The following MAP7 variants were observed in gnomAD, a reference collection of about 807,000 sequenced individuals.
MAP7 encodes ensconsin.
A neutral mutation model predicts 94.8 loss-of-function variants in MAP7; 52 were observed. That is an observed-to-expected ratio of 0.55 (90% confidence interval 0.44 to 0.69). The LOEUF is 0.69. MAP7 is among the 30% of genes least tolerant of loss of function. The pLI is 0.00. For missense variants in MAP7, 940 were observed against 964.6 expected, an observed-to-expected ratio of 0.97 and a Z score of 0.34; for synonymous variants, 350 against 357.0, an observed-to-expected ratio of 0.98 and a Z score of 0.22.
intron 1 of MAP7, among the ~76,000 whole-genome samples, chr6:136,441,411 T>C (rs930028644): frequency 6.6e-6 from 1 of 152,202 alleles, no homozygotes; most frequent in African/African-American, 2.4e-5. Context: ...CGAAATCAAA[T>C]AATTAGAGCT....
chr6:136,380,860 C>T (rs950686121), intron 6 of MAP7, among the ~76,000 whole-genome samples: 1 of 152,168 alleles, frequency 6.6e-6, no homozygotes, highest in Non-Finnish European at 1.5e-5. Context: ...CCCGGGGAAG[C>T]ACATCTTGGA....
At chr6:136,348,783 G>A (rs1291743887) in intron 16 of MAP7, among the ~76,000 whole-genome samples, 1 of 152,068 alleles carries the variant, frequency 6.6e-6, no homozygotes, top group East Asian at 1.9e-4. Flanking sequence ...CAAACTAAGA[G>A]CAATGATGAA....
intron 1 of MAP7, among the ~76,000 whole-genome samples, chr6:136,489,534 T>G (rs1019166366): frequency 1.4e-5 from 2 of 138,378 alleles, no homozygotes; most frequent in Non-Finnish European, 3.0e-5. Flanking sequence ...TTCTTTTTTT[T>G]TTTTTTTTTT....
At chr6:136,376,980 T>C (rs1243022374) in intron 7 of MAP7, among the ~76,000 whole-genome samples, 1 of 152,180 alleles carries the variant, frequency 6.6e-6, no homozygotes, top group Non-Finnish European at 1.5e-5. Context: ...CCCAAAGATA[T>C]TTGGGAAAAC....
At chr6:136,378,561 C>T (rs1052365758) in intron 6 of MAP7, among the ~76,000 whole-genome samples, 1 of 152,062 alleles carries the variant, frequency 6.6e-6, no homozygotes, top group African/African-American at 2.4e-5. Flanking sequence ...AAGGCTGAAG[C>T]AAGATAAAAT....
At chr6:136,548,621 G>C (rs1258884754) in intron 1 of MAP7, among the ~76,000 whole-genome samples, 1 of 152,164 alleles carries the variant, frequency 6.6e-6, no homozygotes, top group Non-Finnish European at 1.5e-5. Flanking sequence ...ACAGGCACAT[G>C]GTTGATTTGT....
In MAP7 at chr6:136,388,437, G is replaced by A. The variant is rs756424207; in HGVS notation, c.482C>T (p.Ser161Leu). The change falls in exon 5 of 18, where the codon TCG (serine) becomes TTG (leucine). Residue 161 changes from serine to leucine, a missense_variant. Physicochemically the swap from Ser to Leu is moderately radical, Grantham distance 145. Transcript: ENST00000354570. ...QKPKQKHNRW[S>L]WGGSLHGSPS... ...GCTCCCATGGAGAGAGCCTCCCCACGACCAACGGTTATGCTTCTGTTTTGG... is the reference window on the plus strand; with the variant it reads ...GCTCCCATGGAGAGAGCCTCCCCACAACCAACGGTTATGCTTCTGTTTTGG... The A allele has an allele frequency of 7.4e-6, 12 of 1,614,116 alleles. No individual in the cohort carries two copies. The highest frequency in any genetic ancestry group is 1.0e-5 in the Non-Finnish European group (12 of 1,179,996).
intron 1 of MAP7, among the ~76,000 whole-genome samples, chr6:136,450,719 G>C (rs1800848744): frequency 6.6e-6 from 1 of 151,962 alleles, no homozygotes; most frequent in Non-Finnish European, 1.5e-5. Context: ...GGGAGGCAGA[G>C]GTTGTGGTGA....
intron 1 of MAP7, among the ~76,000 whole-genome samples, chr6:136,450,064 C>A (rs958184264): frequency 1.3e-5 from 2 of 152,132 alleles, no homozygotes; most frequent in Non-Finnish European, 2.9e-5. Context: ...AGGTGCATGC[C>A]TGTAATCCCA....
chr6:136,349,253 T>C (rs546907306), intron 16 of MAP7, among the ~76,000 whole-genome samples: 1 of 152,216 alleles, frequency 6.6e-6, no homozygotes, highest in African/African-American at 2.4e-5. Flanking sequence ...AGGGCATATA[T>C]AATATTCATA....
chr6:136,504,633 C>T (rs576030876), intron 1 of MAP7, among the ~76,000 whole-genome samples: 6 of 151,886 alleles, frequency 4.0e-5, no homozygotes, highest in Middle Eastern at 3.4e-3. Context: ...CCTGAGCCAC[C>T]GCATCCAGCC....
At chr6:136,396,593 C>A (rs1238369300) in intron 3 of MAP7, among the ~76,000 whole-genome samples, 1 of 152,038 alleles carries the variant, frequency 6.6e-6, no homozygotes, top group African/African-American at 2.4e-5. Context: ...TGTGTGTGCT[C>A]TCCATAGTGC....
chr6:136,373,218 C>T (rs929319041), intron 7 of MAP7, among the ~76,000 whole-genome samples: 2 of 152,174 alleles, frequency 1.3e-5, no homozygotes, highest in Non-Finnish European at 2.9e-5. Context: ...TAAGACTTGT[C>T]ACGAGGATAA....
At chr6:136,391,973 A>G (rs1780903202) in intron 3 of MAP7, among the ~76,000 whole-genome samples, 1 of 152,254 alleles carries the variant, frequency 6.6e-6, no homozygotes, top group Admixed American at 6.5e-5. Context: ...AAAATAATAA[A>G]CGGTAAAACA....
At chr6:136,409,538 C>A (rs191363218) in intron 3 of MAP7, among the ~76,000 whole-genome samples, 44 of 152,324 alleles carry the variant, frequency 2.9e-4, no homozygotes, top group African/African-American at 1.0e-3. Context: ...CATGTTGGGT[C>A]TCTCAGCAAA....
At chr6:136,444,016 G>A (rs1414010247) in intron 1 of MAP7, among the ~76,000 whole-genome samples, 1 of 152,160 alleles carries the variant, frequency 6.6e-6, no homozygotes, top group East Asian at 1.9e-4. Context: ...ACGATGGTTT[G>A]ACTTACAATA....
At chr6:136,407,879 G>A (rs1320301914) in intron 3 of MAP7, among the ~76,000 whole-genome samples, 1 of 152,110 alleles carries the variant, frequency 6.6e-6, no homozygotes, top group Admixed American at 6.5e-5. Context: ...ATAATGTCTT[G>A]GGGCCAAAAA....
chr6:136,509,783 C>T lies in MAP7; in HGVS notation c.67+40559G>A, dbSNP rs1173290573. Among the ~76,000 whole-genome samples, 4 of 152,302 alleles carry T rather than the reference C, an allele frequency of 2.6e-5. No individual in the cohort carries two copies. In the East Asian group the frequency reaches 5.8e-4, roughly 22 times the overall value. On this transcript the variant is annotated intron_variant, in intron 1 of 17. Transcript: ENST00000354570. ...TGTTGCCCACGCTGGTGTTGAACTCCTGGGCTCAAGAGGTCCTCCTGCCTC... is the reference window on the plus strand; with the variant it reads ...TGTTGCCCACGCTGGTGTTGAACTCTTGGGCTCAAGAGGTCCTCCTGCCTC...
chr6:136,398,082 T>C (rs1427474008), intron 3 of MAP7, among the ~76,000 whole-genome samples: 1 of 152,096 alleles, frequency 6.6e-6, no homozygotes, highest in Non-Finnish European at 1.5e-5. Context: ...ATCAGTACCA[T>C]ACAAAGGAGA....
Sources: gnomAD v4.1 joint callset for allele counts (sites outside exome capture counted in the v4.1 genomes callset) on GRCh38, gnomAD v4.1.1 for gene constraint, MANE v1.5 for transcripts, NCBI Gene and HGNC (gene_info 2026-07-23, HGNC 2026-07-21) for gene names.